RBM33: variants seen among roughly 807,000 people sequenced by gnomAD.
The protein encoded by RBM33 is RNA binding motif protein 33.
RBM33 carries 28 observed loss-of-function variants against 132.6 expected under a neutral mutation model. The ratio of observed to expected loss-of-function variants is 0.21; its 90% CI spans 0.16 to 0.29. The LOEUF (loss-of-function observed/expected upper bound fraction) is 0.29. Ranked by LOEUF, RBM33 falls within the 10% of genes least tolerant of loss-of-function variation. The pLI, the probability that RBM33 is intolerant of heterozygous loss-of-function variation, is 1.00. For missense variants in RBM33, 1,291 were observed against 1,518.5 expected, an observed-to-expected ratio of 0.85 and a Z score of 2.49; for synonymous variants, 634 against 593.0, an observed-to-expected ratio of 1.07 and a Z score of -1.01.
At chr7:155,706,809 C>A (rs1266934474) in intron 6 of RBM33, 51 bp from the exon 7 acceptor site, 1 of 1,437,616 alleles carries the variant, frequency 7.0e-7, no homozygotes, top group East Asian at 2.5e-5. Flanking sequence ...CCCTAGACCT[C>A]CAGTTTGGGC....
At chr7:155,684,971 G>A in intron 5 of RBM33, 1 of 1,550,494 alleles carries the variant, frequency 6.4e-7, no homozygotes, top group Non-Finnish European at 8.7e-7. Context: ...GGCAACAAGG[G>A]CTGCAAGAGC....
At chr7:155,663,078 TA>T (rs1313335095) in intron 1 of RBM33, among the ~76,000 whole-genome samples, 1 of 152,220 alleles carries the variant, frequency 6.6e-6, no homozygotes, top group Admixed American at 6.5e-5. Context: ...AGTTATTTTA[TA>T]AAACAGTTTT....
intron 9 of RBM33, among the ~76,000 whole-genome samples, chr7:155,724,991 TGTGTGTGTGTGTGTG>T (rs1236998739): frequency 1.9e-5 from 1 of 51,570 alleles, no homozygotes; most frequent in Admixed American, 2.0e-4. Context: ...TGTACAGGTT[TGTGTGTGTGTGTGTG>T]TGTGTGTGTG....
chr7:155,734,000 C>T (rs1242951602), intron 9 of RBM33, among the ~76,000 whole-genome samples: 1 of 152,260 alleles, frequency 6.6e-6, no homozygotes, highest in East Asian at 1.9e-4. Flanking sequence ...GCCCACACCT[C>T]ATGCCAGCTG....
intron 1 of RBM33, among the ~76,000 whole-genome samples, chr7:155,664,572 A>G (rs934351077): frequency 1.3e-5 from 2 of 152,142 alleles, no homozygotes; most frequent in Non-Finnish European, 2.9e-5. Flanking sequence ...GCGCCCAGCC[A>G]TACATACTGT....
intron 14 of RBM33, among the ~76,000 whole-genome samples, chr7:155,763,028 G>T (rs1052493875): frequency 6.6e-6 from 1 of 152,204 alleles, no homozygotes. Context: ...CTGCCTGGAC[G>T]TATGAACAAC....
In RBM33 at chr7:155,780,834, C is replaced by T. The variant is rs907580118; in HGVS notation, c.*5793C>T. ...GACAGGTCTTCACTCACGATTTATT[C>T]CTCCAGGTCTTTGATTGGAGAGAGT... On this transcript the variant is annotated 3_prime_UTR_variant, in exon 18 of 18. Coordinates refer to ENST00000401878, the MANE Select transcript of RBM33 (RefSeq NM_053043.3). 6.6e-6 allele frequency: 1 copy of T among 152,668 alleles called. No homozygotes were observed. The highest frequency in any genetic ancestry group is 2.4e-5 in the African/African-American group (1 of 41,462). 9.5% of individuals were successfully genotyped at this position (152,668 alleles called of 1,614,324 possible).
intron 1 of RBM33, among the ~76,000 whole-genome samples, chr7:155,651,591 A>AAG (rs1385534570): frequency 6.6e-6 from 1 of 151,322 alleles, no homozygotes; most frequent in African/African-American, 2.4e-5. Context: ...CCAAAAAAAA[A>AAG]AAAAAAAAAA....
At chr7:155,686,068 TTCTC>T (rs1329126595) in intron 5 of RBM33, among the ~76,000 whole-genome samples, 1 of 152,228 alleles carries the variant, frequency 6.6e-6, no homozygotes, top group Admixed American at 6.5e-5. Flanking sequence ...GTGTGCTTTC[TTCTC>T]TCTTTCTTTC....
rs1157631559 is a variant in RBM33, at chr7:155,745,042, CAG to C, written c.2421_2422del (p.Lys808GlyfsTer48). ...QKRLREEILK[Q>X]KELRRQQQAG... ...ACGCCTAAGAGAAGAAATCCTGAAA[CAG>C]AAGGAGTTACGGCGGCAGCAGCAGG... On this transcript the variant is annotated frameshift_variant, in exon 14 of 18. Coordinates refer to ENST00000401878, the MANE Select transcript of RBM33 (RefSeq NM_053043.3). LOFTEE classifies it high-confidence loss of function. This position sits in a 1 kb window ranked among gnomAD's most constrained non-coding sequence, Gnocchi z 4.1. 1 of 1,611,686 alleles carries C rather than the reference CAG, an allele frequency of 6.2e-7. No individual in the cohort carries two copies. The highest frequency in any genetic ancestry group is 8.5e-7 in the Non-Finnish European group (1 of 1,178,896).
rs1421586760 is a variant in RBM33, at chr7:155,661,146, A to ATATATATTT, written c.44-4028_44-4027insATATATTTT. On this transcript the variant is annotated intron_variant, in intron 1 of 17. Coordinates refer to ENST00000401878, the MANE Select transcript of RBM33 (RefSeq NM_053043.3). ...TGTGTGTGTGTATATATATATATAT[A>ATATATATTT]TTTTTTTTTTTTTGAGACAGAGTCT... Among the ~76,000 whole-genome samples the ATATATATTT allele has an allele frequency of 4.8e-3, 388 of 81,088 alleles. 7 individuals carry two copies. Among genetic ancestry groups the ATATATATTT allele is most frequent in the South Asian group, 8.2e-3 (16 of 1,962 alleles). The allele number at this position is 81,088 out of a possible 152,430, so 53.2% of individuals were successfully genotyped here.
At chr7:155,683,212 C>T (rs1335806912) in intron 5 of RBM33, among the ~76,000 whole-genome samples, 1 of 152,126 alleles carries the variant, frequency 6.6e-6, no homozygotes, top group Non-Finnish European at 1.5e-5. Context: ...TGGCCGCTTC[C>T]TTGGACAGGA....
chr7:155,751,907 C>G (rs1016786942), intron 14 of RBM33, among the ~76,000 whole-genome samples: 1 of 152,186 alleles, frequency 6.6e-6, no homozygotes. Flanking sequence ...GCCAACACTC[C>G]TGTATTTGTT....
At position 155,779,915 on chromosome 7, in the gene RBM33, T is replaced by G. The variant is rs945655569; in HGVS notation, c.*4874T>G. On this transcript the variant is annotated 3_prime_UTR_variant, in exon 18 of 18. Coordinates refer to ENST00000401878, the MANE Select transcript of RBM33 (RefSeq NM_053043.3). Reference sequence around the variant, plus strand: ...GGAGGTCTTCATGTTGATATTTTGCTTGGTTTTATTTTACTGATTTTAAAA... The same window carrying G: ...GGAGGTCTTCATGTTGATATTTTGCGTGGTTTTATTTTACTGATTTTAAAA... 9 of 152,218 alleles carry G rather than the reference T, an allele frequency of 5.9e-5. No homozygotes were observed. The highest frequency in any genetic ancestry group is 4.6e-4 in the Admixed American group (7 of 15,280). 9.4% of individuals were successfully genotyped at this position (152,218 alleles called of 1,614,324 possible).
intron 2 of RBM33, 69 bp downstream of exon 2, chr7:155,665,322 G>T: frequency 7.0e-7 from 1 of 1,425,300 alleles, no homozygotes; most frequent in South Asian, 1.2e-5. Flanking sequence ...TGGCTCCTGA[G>T]GGATCTTTAC....
chr7:155,660,011 A>G lies in RBM33; in HGVS notation c.44-5164A>G, dbSNP rs373648635. Among the ~76,000 whole-genome samples, 37 of 152,268 alleles carry G rather than the reference A, an allele frequency of 2.4e-4. 1 individual carries two copies. In the South Asian group the frequency reaches 7.7e-3, roughly 32 times the overall value. ...CTTATGTAGACATCAGTCGTCATTG[A>G]ATTTAGTGCCCTCTTTAATATCCAG... On this transcript the variant is annotated intron_variant, in intron 1 of 17. Coordinates refer to ENST00000401878, the MANE Select transcript of RBM33 (RefSeq NM_053043.3).
chr7:155,679,528 T>C (rs1799280038), intron 4 of RBM33, among the ~76,000 whole-genome samples: 1 of 152,192 alleles, frequency 6.6e-6, no homozygotes, highest in Non-Finnish European at 1.5e-5. Flanking sequence ...GAATAATAGT[T>C]TTTATTTTAT....
intron 5 of RBM33, among the ~76,000 whole-genome samples, chr7:155,687,060 C>T (rs1299751653): frequency 6.6e-6 from 1 of 152,212 alleles, no homozygotes; most frequent in African/African-American, 2.4e-5. Flanking sequence ...GCCACACTGT[C>T]TTCCACAATG....
At chr7:155,681,099 C>T (rs1436177806) in intron 5 of RBM33, among the ~76,000 whole-genome samples, 191 bp downstream of exon 5, 1 of 152,174 alleles carries the variant, frequency 6.6e-6, no homozygotes, top group Admixed American at 6.5e-5. Context: ...AGAGGTAATG[C>T]TCCTTTGTCA....
Sources: gnomAD v4.1 joint callset for allele counts (sites outside exome capture counted in the v4.1 genomes callset) on GRCh38, gnomAD v4.1.1 for gene constraint, Gnocchi (gnomAD v3.1) non-coding constraint, MANE v1.5 for transcripts, NCBI Gene and HGNC (gene_info 2026-07-23, HGNC 2026-07-21) for gene names.